Variants in ZKSCAN7 observed in about 807,000 individuals in gnomAD.
ZKSCAN7 encodes the protein zinc finger protein with KRAB and SCAN domains 7.
In ZKSCAN7, 38 loss-of-function variants were observed where a neutral mutation model predicts 65.3. That is an observed-to-expected ratio of 0.58 (90% CI 0.45 to 0.76). The LOEUF is 0.76. Among genes scored for constraint, ZKSCAN7 ranks in the 30% least tolerant of loss-of-function variants. The pLI, the probability that ZKSCAN7 is intolerant of heterozygous loss-of-function variation, is 0.00. For missense variants in ZKSCAN7, 815 were observed against 913.3 expected (o/e 0.89, Z 1.39); for synonymous variants, 321 against 321.0 (o/e 1.00, Z 0.00).
chr3:44,572,187 T>G, downstream of ZKSCAN7: 1 of 985,476 alleles, frequency 1.0e-6, no homozygotes, highest in Admixed American at 6.1e-5. Flanking sequence ...CCTTAAAGTA[T>G]GCACGATCTT....
In ZKSCAN7 at chr3:44,570,735, A is replaced by G; in HGVS notation, c.1625A>G (p.Gln542Arg). The change falls in exon 6 of 6, where the codon CAG becomes CGG. Residue 542 changes from glutamine (Q) to arginine (R), a missense_variant. Physicochemically the swap from Gln to Arg is conservative, Grantham distance 43. This residue lies in a region of ZKSCAN7 where 578 missense variants were observed against 629.5 expected (regional missense o/e 0.92). Transcript: ENST00000426540. ...FCSNRNLIDH[Q>R]RIHTGEKPYE... ...TCCAATAGAAATCTCATTGACCATC[A>G]GAGAATCCACACTGGGGAGAAGCCT... 10 of 1,614,200 alleles carry G rather than the reference A, an allele frequency of 6.2e-6. No individual in the cohort carries two copies. Among genetic ancestry groups the G allele is most frequent in the Non-Finnish European group, 8.5e-6 (10 of 1,180,034 alleles).
At chr3:44,572,201 C>G, downstream of ZKSCAN7, 1 of 985,414 alleles carries the variant, frequency 1.0e-6, no homozygotes, top group Non-Finnish European at 1.2e-6. Context: ...CGATCTTTCT[C>G]CCCTCCCCAG....
chr3:44,565,607 G>C lies in ZKSCAN7; in HGVS notation c.544G>C (p.Glu182Gln), dbSNP rs1699609347. ...SGGSAPGAHL[E>Q]PPYDPGTHHL... is the part of the protein sequence containing the mutation. ...GGGCTCAGCCCCTGGAGCCCACCTG[G>C]AGCCTCCTTATGACCCAGGGACACA... is the stretch of plus-strand genomic sequence containing the variant. The change falls in exon 3 of 6, where the codon GAG becomes CAG. Residue 182 changes from glutamate to glutamine, a missense_variant. Transcript: ENST00000426540. The C allele has an allele frequency of 6.2e-7, 1 of 1,612,140 alleles. No homozygotes were observed. Among genetic ancestry groups the C allele is most frequent in the African/African-American group, 1.3e-5 (1 of 75,010 alleles).
At chr3:44,566,669 A>G (rs968691932) in intron 3 of ZKSCAN7, among the ~76,000 whole-genome samples, 2 of 152,014 alleles carry the variant, frequency 1.3e-5, no homozygotes, top group Non-Finnish European at 2.9e-5. Flanking sequence ...ATAGGGTCTC[A>G]CTCTGTCACC....
chr3:44,564,723 C>T (rs868692049), intron 2 of ZKSCAN7, among the ~76,000 whole-genome samples: 1 of 152,178 alleles, frequency 6.6e-6, no homozygotes, highest in Non-Finnish European at 1.5e-5. Flanking sequence ...ATTATTTGTG[C>T]ACATCCACAA....
At chr3:44,560,664 A>G (rs1377442029) in intron 2 of ZKSCAN7, among the ~76,000 whole-genome samples, 2 of 151,958 alleles carry the variant, frequency 1.3e-5, no homozygotes, top group East Asian at 1.9e-4. Flanking sequence ...GCCTGCCACC[A>G]CGCCCAGCTA....
intron 5 of ZKSCAN7, 148 bp downstream of exon 5, chr3:44,568,581 C>A: frequency 7.8e-6 from 9 of 1,147,580 alleles, no homozygotes; most frequent in Non-Finnish European, 1.1e-5. Context: ...CTGCATTCAT[C>A]ACTGAGATTC....
At chr3:44,563,664 C>A (rs2125714586) in intron 2 of ZKSCAN7, among the ~76,000 whole-genome samples, 1 of 152,196 alleles carries the variant, frequency 6.6e-6, no homozygotes, top group African/African-American at 2.4e-5. Flanking sequence ...CCCCCACCCC[C>A]CGTGATCCAG....
chr3:44,580,450 C>A, intron 5 of ZKSCAN7: 1 of 1,602,436 alleles, frequency 6.2e-7, no homozygotes, highest in South Asian at 1.1e-5. Context: ...GTGGTGGGGA[C>A]TTTCTCAGCA....
chr3:44,557,613 G>T (rs1575354520), intron 2 of ZKSCAN7, 143 bp downstream of exon 2: 22 of 1,134,338 alleles, frequency 1.9e-5, no homozygotes, highest in Admixed American at 8.5e-5. Context: ...AGGGAAAATA[G>T]TTTTGTGCTC....
intron 2 of ZKSCAN7, among the ~76,000 whole-genome samples, chr3:44,561,731 G>C (rs921514583): frequency 6.6e-6 from 1 of 152,160 alleles, no homozygotes; most frequent in Non-Finnish European, 1.5e-5. Flanking sequence ...AAACCAAGCA[G>C]GGCAGTCATT....
chr3:44,576,711 G>A (rs528283111), downstream of ZKSCAN7, among the ~76,000 whole-genome samples: 13 of 152,280 alleles, frequency 8.5e-5, 1 homozygote, highest in South Asian at 1.7e-3. Flanking sequence ...GAAGCTAAAA[G>A]GTTAGTTGTA....
In ZKSCAN7 at chr3:44,570,082, A is replaced by AT; in HGVS notation, c.972_973insT (p.Gln325SerfsTer5). On this transcript the variant is annotated frameshift_variant, in exon 6 of 6. Transcript: ENST00000426540. LOFTEE classifies it high-confidence loss of function. ...AAGATACTTTCAAGGAGTTAGAAGG[A>AT]CAAACCTCAGATGAAGAAGGGAGCA... The AT allele has an allele frequency of 2.5e-6, 4 of 1,614,074 alleles. No homozygotes were observed. Among genetic ancestry groups the AT allele is most frequent in the Non-Finnish European group, 3.4e-6 (4 of 1,179,994 alleles).
downstream of ZKSCAN7, among the ~76,000 whole-genome samples, chr3:44,576,388 C>T (rs1032398270): frequency 2.0e-5 from 3 of 152,124 alleles, no homozygotes; most frequent in Non-Finnish European, 4.4e-5. Flanking sequence ...GGATGCGGAA[C>T]CCAAGAATAC....
rs747775885 is a variant in ZKSCAN7 at position 44,569,937 on chromosome 3, T to G, written c.827T>G (p.Met276Arg). The G allele has an allele frequency of 6.5e-7, 1 of 1,537,538 alleles. No homozygotes were observed. The highest frequency in any genetic ancestry group is 1.3e-5 in the South Asian group (1 of 76,976). The part of the protein sequence containing the change: ...SMASLAGENM[M>R]KGSELTPKQE... ...CTTTGGGCAGCAGGTGAGAACATGA[T>G]GAAGGGTTCAGAGTTGACTCCAAAG... The change falls in exon 6 of 6, where the codon ATG becomes AGG. Residue 276 changes from methionine to arginine, a missense_variant. This residue lies in a region of ZKSCAN7 where 578 missense variants were observed against 629.5 expected (regional missense o/e 0.92). Transcript: ENST00000426540.
intron 5 of ZKSCAN7, among the ~76,000 whole-genome samples, chr3:44,582,655 A>T (rs1254335586): frequency 6.6e-6 from 1 of 152,222 alleles, no homozygotes; most frequent in Non-Finnish European, 1.5e-5. Context: ...GCTTGTGGAT[A>T]AGGGCAATAG....
intron 5 of ZKSCAN7, chr3:44,582,888 C>T (rs534286711): frequency 2.1e-4 from 86 of 413,314 alleles, no homozygotes; most frequent in African/African-American, 1.8e-3. Flanking sequence ...TCACAGCTCC[C>T]TTAATGTACA....
Position 44,572,023 on chromosome 3 carries a change from C to T in ZKSCAN7, c.*648C>T. 1 of 985,620 alleles carries T rather than the reference C, an allele frequency of 1.0e-6. No homozygotes were observed. The highest frequency in any genetic ancestry group is 1.2e-6 in the Non-Finnish European group (1 of 830,094). The allele number at this position is 985,620 out of a possible 1,614,324, so 61.1% of individuals were successfully genotyped here. The stretch of plus-strand genomic sequence containing the variant: ...TACAATATGTAACTGTGGTTAATTG[C>T]CTTGTAAATTTTGCGTGTCTGTATA... On this transcript the variant is annotated 3_prime_UTR_variant, in exon 6 of 6. Coordinates refer to ENST00000426540, the MANE Select transcript of ZKSCAN7 (RefSeq NM_001288590.2).
chr3:44,580,022 T>C (rs1247882068), intron 5 of ZKSCAN7: 2 of 1,581,282 alleles, frequency 1.3e-6, no homozygotes, highest in Non-Finnish European at 1.7e-6. Flanking sequence ...GGAACGCCCT[T>C]TTCTCGCTGC....
Sources: allele counts gnomAD v4.1 joint callset (sites outside exome capture counted in the v4.1 genomes callset), GRCh38; gene constraint gnomAD v4.1.1; regional missense constraint gnomAD v4.1.1; transcripts MANE v1.5; gene names NCBI Gene and HGNC (gene_info 2026-07-23, HGNC 2026-07-21).